Variants in GBF1 observed in about 807,000 individuals in gnomAD.
GBF1 encodes Golgi-specific brefeldin A-resistance guanine nucleotide exchange factor 1.
GBF1 carries 114 observed loss-of-function variants against 210.5 expected under a neutral mutation model. The observed-to-expected ratio is 0.54, with a 90% CI of 0.47 to 0.63. GBF1 has a LOEUF of 0.63. GBF1 is among the 30% of genes least tolerant of loss of function. GBF1 has a pLI of 0.00. For synonymous variants in GBF1, 850 were observed against 889.2 expected (o/e 0.96, Z 0.78); for missense variants, 1,851 against 2,357.7 (o/e 0.79, Z 4.45).
chr10:102,273,951 C>G (rs1438582638), intron 3 of GBF1, among the ~76,000 whole-genome samples: 1 of 152,146 alleles, frequency 6.6e-6, no homozygotes, highest in Non-Finnish European at 1.5e-5. Context: ...ACATGGCCAC[C>G]CTTTTGAATC....
At chr10:102,258,502 TG>T (rs1258743164) in intron 1 of GBF1, among the ~76,000 whole-genome samples, 2 of 145,304 alleles carry the variant, frequency 1.4e-5, no homozygotes, top group African/African-American at 5.0e-5. Flanking sequence ...CCAGGTGCAG[TG>T]GCTCACGCCT....
intron 1 of GBF1, among the ~76,000 whole-genome samples, chr10:102,247,474 T>G (rs1231640591): frequency 6.6e-6 from 1 of 152,084 alleles, no homozygotes; most frequent in Non-Finnish European, 1.5e-5. Flanking sequence ...GGTACCCAGG[T>G]TTGATGATCC....
chr10:102,338,635 A>G (rs866298520), intron 3 of GBF1, among the ~76,000 whole-genome samples: 49 of 151,574 alleles, frequency 3.2e-4, no homozygotes, highest in Middle Eastern at 6.8e-3. Flanking sequence ...ACTGAATTGT[A>G]TGCTGTGTGA....
upstream of GBF1, among the ~76,000 whole-genome samples, chr10:102,243,878 T>G (rs1289402390): frequency 6.6e-6 from 1 of 152,006 alleles, no homozygotes; most frequent in East Asian, 1.9e-4. Flanking sequence ...ACCTGTAATC[T>G]CAACACTTTG....
rs1261221982 is a variant in GBF1, at chr10:102,375,473, C to T, written c.3775C>T (p.His1259Tyr). 1 of 1,613,374 alleles carries T rather than the reference C, an allele frequency of 6.2e-7. No individual in the cohort carries two copies. Among genetic ancestry groups the T allele is most frequent in the Non-Finnish European group, 8.5e-7 (1 of 1,179,280 alleles). Residue 1259 changes from histidine (H) to tyrosine (Y), a missense_variant, in exon 30 of 40, where the codon CAC (histidine) becomes TAC (tyrosine). Physicochemically the swap from His to Tyr is moderately conservative, Grantham distance 83. Transcript: ENST00000369983. ...CCTGAAGACCAATGCAGCCAACATC[C>T]ACTCAGGTGATGACTGGGCCACACT... Reference protein sequence around the residue: ...ELLKTNAANIHSGDDWATLFT... With the variant: ...ELLKTNAANIYSGDDWATLFT...
At chr10:102,246,820 G>T (rs545626870) in intron 1 of GBF1, among the ~76,000 whole-genome samples, 1 of 150,600 alleles carries the variant, frequency 6.6e-6, no homozygotes, top group Non-Finnish European at 1.5e-5. Context: ...AATGCACAAT[G>T]TGGAAACTTG....
chr10:102,256,410 C>A (rs1224274367), intron 1 of GBF1, among the ~76,000 whole-genome samples: 1 of 151,868 alleles, frequency 6.6e-6, no homozygotes, highest in Admixed American at 6.6e-5. Context: ...TGTATCTATT[C>A]CACTAAACTG....
chr10:102,380,280 C>G lies in GBF1; in HGVS notation c.4910C>G (p.Ser1637Ter), dbSNP rs774064019. 1 of 1,613,936 alleles carries G rather than the reference C, an allele frequency of 6.2e-7. No homozygotes were observed. Among genetic ancestry groups the G allele is most frequent in the East Asian group, 2.2e-5 (1 of 44,874 alleles). The change falls in exon 37 of 40, where the codon TCA becomes TGA. Residue 1637 changes from serine to a stop codon, truncating the protein, a stop_gained. Transcript: ENST00000369983. LOFTEE classifies it high-confidence loss of function. ...CTGCAGCACCTGTCTCCACTGCTGT[C>G]ACTCTCTACCTTTGCGGCCCTCTGG... ...VFLQHLSPLLSLSTFAALWLT... is the reference protein window; with the variant it reads ...VFLQHLSPLL
At chr10:102,231,184 G>T in the GBF1 span, 1 of 1,323,496 alleles carries the variant, frequency 7.6e-7, no homozygotes, top group Non-Finnish European at 1.0e-6. Flanking sequence ...GGGGCTTCCA[G>T]CCGGGGCCCT....
upstream of GBF1, among the ~76,000 whole-genome samples, chr10:102,241,072 C>G (rs1173342599): frequency 6.6e-6 from 1 of 152,150 alleles, no homozygotes; most frequent in African/African-American, 2.4e-5. This position sits in a 1 kb window ranked among gnomAD's most constrained non-coding sequence, Gnocchi z 6.7. Flanking sequence ...CTCCCTGCCT[C>G]GCGAAGCCCC....
chr10:102,244,397 A>G (rs557446098), upstream of GBF1, among the ~76,000 whole-genome samples: 1 of 152,264 alleles, frequency 6.6e-6, no homozygotes, highest in African/African-American at 2.4e-5. Flanking sequence ...TTCATGATTC[A>G]GTCTCCTAGG....
In GBF1 at chr10:102,380,692, G is replaced by A; in HGVS notation, c.5173+6G>A. 2 of 1,601,270 alleles carry A rather than the reference G, an allele frequency of 1.2e-6. No homozygotes were observed. Among genetic ancestry groups the A allele is most frequent in the Non-Finnish European group, 1.7e-6 (2 of 1,172,390 alleles). On this transcript the variant is annotated splice_donor_region_variant and intron_variant, in intron 38 of 39. Coordinates refer to ENST00000369983, the MANE Select transcript of GBF1 (RefSeq NM_001377137.1). The stretch of plus-strand genomic sequence containing the variant: ...CAAGCAGACCGTCATCCAGGGTAGG[G>A]GGCTCAGCCCAGCTTTATCAAAAAG...
At chr10:102,235,182 C>A in the GBF1 span, among the ~76,000 whole-genome samples, 1 of 132,112 alleles carries the variant, frequency 7.6e-6, no homozygotes, top group Non-Finnish European at 1.6e-5. Flanking sequence ...ACCCCCCACC[C>A]CCCCACCGCC....
the GBF1 span, chr10:102,231,189 G>A: frequency 2.3e-6 from 3 of 1,293,878 alleles, no homozygotes; most frequent in Middle Eastern, 2.2e-4. Flanking sequence ...TTCCAGCCGG[G>A]GCCCTGCGGT....
chr10:102,287,039 C>T (rs1204594017), intron 3 of GBF1, among the ~76,000 whole-genome samples: 1 of 152,142 alleles, frequency 6.6e-6, no homozygotes, highest in African/African-American at 2.4e-5. Flanking sequence ...TCATTCCCTC[C>T]AGTGGAGCCC....
intron 3 of GBF1, among the ~76,000 whole-genome samples, chr10:102,270,498 A>G (rs1189877933): frequency 6.6e-6 from 1 of 152,344 alleles, no homozygotes; most frequent in East Asian, 1.9e-4. Flanking sequence ...AAAAATTGAA[A>G]GAATACCATA....
chr10:102,270,114 A>G (rs1182635707), intron 3 of GBF1, among the ~76,000 whole-genome samples: 1 of 151,656 alleles, frequency 6.6e-6, no homozygotes, highest in Non-Finnish European at 1.5e-5. Context: ...TCCTGACCTC[A>G]TGATCTGCCC....
Position 102,369,783 on chromosome 10 carries a change from C to A in GBF1, c.3215+8C>A, listed in dbSNP as rs772988183. On this transcript the variant is annotated splice_region_variant and intron_variant, in intron 25 of 39. Coordinates refer to ENST00000369983, the MANE Select transcript of GBF1 (RefSeq NM_001377137.1). ...AGAGACACCATCAAACCGGTAAGAG[C>A]AGACCAGAGGCTCAGGGGCTTGGGG... 3.7e-6 allele frequency: 6 copies of A among 1,614,036 alleles called. No homozygotes were observed. In the South Asian group the frequency reaches 5.5e-5, roughly 15 times the overall value.
upstream of GBF1, among the ~76,000 whole-genome samples, chr10:102,242,961 T>C (rs556092106): frequency 2.1e-4 from 31 of 146,984 alleles, 1 homozygote; most frequent in Admixed American, 1.6e-3. Flanking sequence ...CTAAGCCCAG[T>C]CACACAATAT....
Sources: gnomAD v4.1 joint callset for allele counts (sites outside exome capture counted in the v4.1 genomes callset) on GRCh38, gnomAD v4.1.1 for gene constraint, Gnocchi (gnomAD v3.1) non-coding constraint, MANE v1.5 for transcripts, NCBI Gene and HGNC (gene_info 2026-07-23, HGNC 2026-07-21) for gene names.